The following KCTD4 variants were observed in gnomAD, a reference collection of about 807,000 sequenced individuals.
KCTD4 encodes the protein BTB/POZ domain-containing protein KCTD4.
A neutral mutation model predicts 18.3 loss-of-function variants in KCTD4; 12 were observed. The observed-to-expected ratio is 0.66, with a 90% confidence interval of 0.42 to 1.06. KCTD4 has a LOEUF of 1.06. KCTD4 is among the 50% of genes least tolerant of loss of function. The pLI is 0.00. For missense variants in KCTD4, 250 were observed against 303.4 expected (o/e 0.82, Z 1.31); for synonymous variants, 124 against 110.5 (o/e 1.12, Z -0.76).
chr13:45,200,229 A>G (rs923766547), intron 1 of KCTD4, among the ~76,000 whole-genome samples: 7 of 152,184 alleles, frequency 4.6e-5, no homozygotes, highest in Admixed American at 4.6e-4. Flanking sequence ...GAGGAGGGAA[A>G]GAATTTTGCA....
chr13:45,196,964 C>T (rs1469224078), intron 1 of KCTD4, among the ~76,000 whole-genome samples: 1 of 151,964 alleles, frequency 6.6e-6, no homozygotes, highest in South Asian at 2.1e-4. Context: ...GATGAGTGCT[C>T]GTTTCTGCAG....
In KCTD4 at chr13:45,194,675, G is replaced by A; in HGVS notation, c.-108C>T. On this transcript the variant is annotated 5_prime_UTR_variant, in exon 2 of 2. Transcript: ENST00000379108. ...TTCAGCCCCAGCCTGGTGATGGAAT[G>A]GAAACGCTGGCAGCATCGCCTGCGC... The A allele has an allele frequency of 2.0e-6, 2 of 1,021,676 alleles. No homozygotes were observed. Among genetic ancestry groups the A allele is most frequent in the Admixed American group, 2.5e-5 (1 of 40,738 alleles). The allele number at this position is 1,021,676 out of a possible 1,614,324, so 63.3% of individuals were successfully genotyped here.
chr13:45,197,384 C>T (rs117014769), intron 1 of KCTD4, among the ~76,000 whole-genome samples: 1,889 of 150,686 alleles, frequency 0.013, 20 homozygotes, highest in Middle Eastern at 0.065. Flanking sequence ...TGGTGTATGT[C>T]TGTAGTCCCA....
Position 45,193,917 on chromosome 13 carries a change from G to GACA in KCTD4, c.648_650dup (p.Val217dup). 6.2e-7 allele frequency: 1 copy of GACA among 1,614,136 alleles called. No individual in the cohort carries two copies. The highest frequency in any genetic ancestry group is 8.5e-7 in the Non-Finnish European group (1 of 1,180,002). On this transcript the variant is annotated inframe_insertion, in exon 2 of 2. Coordinates refer to ENST00000379108, the MANE Select transcript of KCTD4 (RefSeq NM_198404.3). ...CAAACTTAAGAGTTTCCAAGGTACA[G>GACA]ACAAAGGTGTTGTCTTCCTTTAGTA... is the stretch of plus-strand genomic sequence containing the variant.
intron 1 of KCTD4, among the ~76,000 whole-genome samples, chr13:45,200,192 C>CTA (rs1205665888): frequency 9.2e-5 from 14 of 151,784 alleles, no homozygotes; most frequent in Non-Finnish European, 1.9e-4. Context: ...CCCTCCGTAT[C>CTA]ACAAGAAAGT....
rs538007995 is a variant in KCTD4, at chr13:45,193,481, C to G, written c.*307G>C. 8.0e-6 allele frequency: 2 copies of G among 250,076 alleles called. No homozygotes were observed. The highest frequency in any genetic ancestry group is 4.5e-5 in the African/African-American group (2 of 44,830). 15.5% of individuals were successfully genotyped at this position (250,076 alleles called of 1,614,324 possible). On this transcript the variant is annotated 3_prime_UTR_variant, in exon 2 of 2. Transcript: ENST00000379108. ...CATGCTTTCTTTTTTGTGCAAATAC[C>G]CAAGACAATCTGAATTGAAAGACAG...
intron 1 of KCTD4, among the ~76,000 whole-genome samples, chr13:45,199,243 A>G (rs934575159): frequency 6.6e-6 from 1 of 152,244 alleles, no homozygotes; most frequent in African/African-American, 2.4e-5. Context: ...AAAATTGCCT[A>G]CATTGGTAAA....
At chr13:45,195,624 T>C (rs2138175346) in intron 1 of KCTD4, among the ~76,000 whole-genome samples, 1 of 152,254 alleles carries the variant, frequency 6.6e-6, no homozygotes, top group East Asian at 1.9e-4. Context: ...GTGAATGATG[T>C]CACCCTCCAC....
rs201906993 is a variant in KCTD4 at position 45,194,319 on chromosome 13, A to G, written c.249T>C (p.Gly83=). 38 of 1,614,056 alleles carry G rather than the reference A, an allele frequency of 2.4e-5. No homozygotes were observed. The highest frequency in any genetic ancestry group is 1.3e-5 in the African/African-American group (1 of 74,936). The change falls in exon 2 of 2, where the codon GGT becomes GGC. Residue 83 remains glycine, a synonymous_variant. Transcript: ENST00000379108. The part of the protein sequence containing the change: ...ADGHYFIDRD[G]LLFRHVLNFL... ...AGTTTAGGACATGCCTGAAGAGGAG[A>G]CCATCCCTGTCTATGAAATAATGAC...
intron 1 of KCTD4, among the ~76,000 whole-genome samples, chr13:45,199,098 C>A (rs191757657): frequency 2.6e-5 from 4 of 152,322 alleles, no homozygotes; most frequent in Middle Eastern, 3.4e-3. Context: ...CAAACTGTGC[C>A]AAGTACTTGA....
chr13:45,196,173 G>A (rs567158522), intron 1 of KCTD4, among the ~76,000 whole-genome samples: 12 of 152,214 alleles, frequency 7.9e-5, no homozygotes, highest in East Asian at 3.9e-4. Flanking sequence ...TCAAAAGTTC[G>A]TTGAAATCGA....
Position 45,194,274 on chromosome 13 carries a change from A to G in KCTD4, c.294T>C (p.Leu98=). The change falls in exon 2 of 2, where the codon CTT becomes CTC. Residue 98 remains leucine, a synonymous_variant. Coordinates refer to ENST00000379108, the MANE Select transcript of KCTD4 (RefSeq NM_198404.3). The stretch of plus-strand genomic sequence containing the variant: ...TTTCTCGAAACCCTTCGGGCAATAG[A>G]AGTTCTCCATTTCGTAGGAAGTTTA... ...HVLNFLRNGE[L]LLPEGFRENQ... 1 of 1,614,194 alleles carries G rather than the reference A, an allele frequency of 6.2e-7. No individual in the cohort carries two copies. The highest frequency in any genetic ancestry group is 8.5e-7 in the Non-Finnish European group (1 of 1,180,026).
In KCTD4 at chr13:45,194,059, G is replaced by A. The variant is rs1872765752; in HGVS notation, c.509C>T (p.Ser170Phe). The A allele has an allele frequency of 6.2e-7, 1 of 1,614,134 alleles. No homozygotes were observed. Among genetic ancestry groups the A allele is most frequent in the Non-Finnish European group, 8.5e-7 (1 of 1,180,008 alleles). ...NAPDFISKIK[S>F]RIVLVSKSRL... ...GCTTTTGGACACCAGAACAATGCGA[G>A]ACTTTATTTTTGATATGAAATCAGG... Residue 170 changes from serine to phenylalanine, a missense_variant, in exon 2 of 2, where the codon TCT becomes TTT. By Grantham distance (155) the Ser-to-Phe change is radical. Transcript: ENST00000379108.
chr13:45,194,139 C>T lies in KCTD4; in HGVS notation c.429G>A (p.Leu143=), dbSNP rs776899557. 1 of 1,614,100 alleles carries T rather than the reference C, an allele frequency of 6.2e-7. No homozygotes were observed. ...AACGATCGTGGTTATCTGTTATTTC[C>T]AAGAAAGTAGTCTCTCTGGGTGTTA... The part of the protein sequence containing the change: ...EQLTPRETTF[L]EITDNHDRSQ... The change falls in exon 2 of 2, where the codon TTG becomes TTA. Residue 143 remains leucine, a synonymous_variant. Coordinates refer to ENST00000379108, the MANE Select transcript of KCTD4 (RefSeq NM_198404.3).
At chr13:45,196,232 G>A (rs555882346) in intron 1 of KCTD4, among the ~76,000 whole-genome samples, 1 of 152,290 alleles carries the variant, frequency 6.6e-6, no homozygotes, top group South Asian at 2.1e-4. Context: ...TTTGCTTAGA[G>A]ACTGTGAAAT....
In KCTD4 at chr13:45,193,647, C is replaced by A; in HGVS notation, c.*141G>T. ...ATCTTTAGCGATAGAATTTACATAC[C>A]GTTAGCTCACAGTAATTGATTAGTA... On this transcript the variant is annotated 3_prime_UTR_variant, in exon 2 of 2. Transcript: ENST00000379108. 1 of 708,876 alleles carries A rather than the reference C, an allele frequency of 1.4e-6. No homozygotes were observed. 43.9% of individuals were successfully genotyped at this position (708,876 alleles called of 1,614,324 possible).
intron 1 of KCTD4, among the ~76,000 whole-genome samples, chr13:45,196,158 T>G (rs1872880647): frequency 6.6e-6 from 1 of 152,220 alleles, no homozygotes; most frequent in Admixed American, 6.5e-5. Context: ...TATGTATTAT[T>G]GAGATCAAAA....
Position 45,194,231 on chromosome 13 carries a change from C to G in KCTD4, c.337G>C (p.Glu113Gln). 1.2e-6 allele frequency: 2 copies of G among 1,614,160 alleles called. No homozygotes were observed. The highest frequency in any genetic ancestry group is 1.7e-6 in the Non-Finnish European group (2 of 1,180,010). Reference protein sequence around the residue: ...GFRENQLLAQEAEFFQLKGLA... With the variant: ...GFRENQLLAQQAEFFQLKGLA... Reference sequence around the variant, plus strand: ...CCCTTGAGCTGAAAGAATTCTGCTTCTTGTGCAAGAAGTTGATTTTCTCGA... The same window carrying G: ...CCCTTGAGCTGAAAGAATTCTGCTTGTTGTGCAAGAAGTTGATTTTCTCGA... Residue 113 changes from glutamate to glutamine, a missense_variant, in exon 2 of 2, where the codon GAA (glutamate) becomes CAA (glutamine). Coordinates refer to ENST00000379108, the MANE Select transcript of KCTD4 (RefSeq NM_198404.3).
rs755078847 is a variant in KCTD4, at chr13:45,194,579, G to A, written c.-12C>T. The A allele has an allele frequency of 3.1e-6, 5 of 1,599,462 alleles. No individual in the cohort carries two copies. The highest frequency in any genetic ancestry group is 4.3e-6 in the Non-Finnish European group (5 of 1,173,318). On this transcript the variant is annotated 5_prime_UTR_variant, in exon 2 of 2. Transcript: ENST00000379108. ...ATTTTACGCTCCATTTTTTGAAGAT[G>A]CTATTTCAGCTTGTTCTTCTTGGCT...
Sources: gnomAD v4.1 joint callset for allele counts (sites outside exome capture counted in the v4.1 genomes callset) on GRCh38, gnomAD v4.1.1 for gene constraint, MANE v1.5 for transcripts, NCBI Gene and HGNC (gene_info 2026-07-23, HGNC 2026-07-21) for gene names.